Variants in TMBIM4 observed in about 807,000 individuals in gnomAD.
TMBIM4 encodes the protein protein lifeguard 4.
Under a neutral mutation model 27.7 loss-of-function variants are expected in TMBIM4, and 28 were observed. The observed-to-expected ratio is 1.01, with a 90% confidence interval of 0.75 to 1.38. The LOEUF (loss-of-function observed/expected upper bound fraction) is 1.38, where lower values mean the gene tolerates loss of function less well. Ranked by LOEUF, TMBIM4 falls within the 40% of genes most tolerant of loss-of-function variation. The pLI is 0.00. For missense variants in TMBIM4, 265 were observed against 277.5 expected (o/e 0.95, Z 0.32); for synonymous variants, 115 against 113.1 (o/e 1.02, Z -0.11).
intron 5 of TMBIM4, among the ~76,000 whole-genome samples, chr12:66,142,343 A>C (rs2051681179): frequency 6.6e-6 from 1 of 151,034 alleles, no homozygotes; most frequent in Non-Finnish European, 1.5e-5. Context: ...GGGAAATTCC[A>C]ACGTTCCTGC....
intron 4 of TMBIM4, among the ~76,000 whole-genome samples, chr12:66,147,575 G>A (rs766579962): frequency 6.6e-6 from 1 of 152,140 alleles, no homozygotes; most frequent in Non-Finnish European, 1.5e-5. Flanking sequence ...ATCAAAGTAC[G>A]TGGCTCAGAA....
intron 5 of TMBIM4, 189 bp from the exon 6 acceptor site, chr12:66,138,958 G>T: frequency 1.3e-6 from 1 of 793,946 alleles, no homozygotes; most frequent in Non-Finnish European, 1.7e-6. Context: ...GAAATTGAAA[G>T]AACAGCTATT....
At chr12:66,146,252 A>G (rs2051750292) in intron 4 of TMBIM4, among the ~76,000 whole-genome samples, 1 of 152,176 alleles carries the variant, frequency 6.6e-6, no homozygotes, top group South Asian at 2.1e-4. Flanking sequence ...TTCTACAGGT[A>G]TGGGAGTGAT....
intron 5 of TMBIM4, among the ~76,000 whole-genome samples, chr12:66,142,492 T>C (rs1321335862): frequency 6.6e-6 from 1 of 151,406 alleles, no homozygotes; most frequent in Non-Finnish European, 1.5e-5. Flanking sequence ...CAGTTTACAG[T>C]AATAACAGTA....
chr12:66,138,831 C>T, intron 5 of TMBIM4, 62 bp from the exon 6 acceptor site: 1 of 1,391,270 alleles, frequency 7.2e-7, no homozygotes, highest in Admixed American at 2.9e-5. Flanking sequence ...TTTGTAAACC[C>T]ATTCAACACT....
Position 66,149,444 on chromosome 12 carries a change from C to CAAAA in TMBIM4, c.313-1507_313-1504dup, listed in dbSNP as rs61425460. 6.8e-3 allele frequency among the ~76,000 whole-genome samples: 503 copies of CAAAA among 73,956 alleles called. 3 individuals carry two copies. The highest frequency in any genetic ancestry group is 0.01 in the South Asian group (22 of 2,190). The allele number at this position is 73,956 out of a possible 152,430, so 48.5% of individuals were successfully genotyped here. ...TGGGTGACAGAGAGAGACCCTGTCT[C>CAAAA]AAAAAAAAAAAAAAAAAAAAGAAAG... On this transcript the variant is annotated intron_variant, in intron 3 of 6. Transcript: ENST00000358230.
chr12:66,155,396 G>A (rs1045874398), intron 1 of TMBIM4, among the ~76,000 whole-genome samples: 1 of 144,722 alleles, frequency 6.9e-6, no homozygotes, highest in African/African-American at 2.5e-5. Context: ...CTTAAGTGCA[G>A]TGGCATGATC....
rs117606177 is a variant in TMBIM4 at position 66,156,015 on chromosome 12, C to A, written c.98-2567G>T. Among the ~76,000 whole-genome samples, 471 of 152,276 alleles carry A rather than the reference C, an allele frequency of 3.1e-3. 12 individuals carry two copies. In the East Asian group the frequency reaches 0.071, roughly 23 times the overall value. ...GCCTTTAAGTTCATACTAAAAAATTCTCCTTATGCAGATATTCCAGACCAT... is the reference window on the plus strand; with the variant it reads ...GCCTTTAAGTTCATACTAAAAAATTATCCTTATGCAGATATTCCAGACCAT... On this transcript the variant is annotated intron_variant, in intron 1 of 6. Transcript: ENST00000358230.
rs181246967 is a variant in TMBIM4, at chr12:66,148,227, A to C, written c.313-286T>G. On this transcript the variant is annotated intron_variant, in intron 3 of 6. Coordinates refer to ENST00000358230, the MANE Select transcript of TMBIM4 (RefSeq NM_016056.4). The stretch of plus-strand genomic sequence containing the variant: ...AAATATAGAACATTCTGTTTTTCTT[A>C]CTGTGTAATATAAATAAAAATACAA... Among the ~76,000 whole-genome samples, 20 of 152,304 alleles carry C rather than the reference A, an allele frequency of 1.3e-4. No individual in the cohort carries two copies. The East Asian group carries it at 3.9e-3, about 29-fold the overall frequency.
At chr12:66,155,016 G>C (rs1460992685) in intron 1 of TMBIM4, among the ~76,000 whole-genome samples, 1 of 152,134 alleles carries the variant, frequency 6.6e-6, no homozygotes, top group Non-Finnish European at 1.5e-5. Flanking sequence ...CTCCACAACA[G>C]ATCTATGACT....
rs1313567791 is a variant in TMBIM4 at position 66,138,094 on chromosome 12, T to A, written c.583A>T (p.Ile195Phe). 3.1e-6 allele frequency: 5 copies of A among 1,613,878 alleles called. No individual in the cohort carries two copies. The highest frequency in any genetic ancestry group is 4.2e-6 in the Non-Finnish European group (5 of 1,180,030). The change falls in exon 7 of 7, where the codon ATC becomes TTC. Residue 195 changes from isoleucine to phenylalanine, a missense_variant. Ile to Phe is a conservative substitution (Grantham distance 21, BLOSUM62 0). Coordinates refer to ENST00000358230, the MANE Select transcript of TMBIM4 (RefSeq NM_016056.4). Reference protein sequence around the residue: ...AGALLFCGFIIYDTHSLMHKL... With the variant: ...AGALLFCGFIFYDTHSLMHKL... ...TGCATCAGTGAGTGTGTGTCATAGA[T>A]GATGAATCCACAGAAAAGAAGGGCT...
intron 1 of TMBIM4, among the ~76,000 whole-genome samples, chr12:66,161,686 A>C (rs2052043351): frequency 6.6e-6 from 1 of 152,236 alleles, no homozygotes; most frequent in Non-Finnish European, 1.5e-5. Context: ...TGCATAATTT[A>C]AATATTTGTG....
At chr12:66,164,521 T>G (rs2052094434) in intron 1 of TMBIM4, among the ~76,000 whole-genome samples, 1 of 152,180 alleles carries the variant, frequency 6.6e-6, no homozygotes, top group Admixed American at 6.5e-5. Flanking sequence ...ATTGGAAATC[T>G]TAGAGGGTTT....
At chr12:66,143,777 T>C (rs2051707627) in intron 5 of TMBIM4, among the ~76,000 whole-genome samples, 2 of 152,172 alleles carry the variant, frequency 1.3e-5, no homozygotes, top group African/African-American at 4.8e-5. Flanking sequence ...ATAAACTTTT[T>C]AGAAAATATT....
intron 1 of TMBIM4, among the ~76,000 whole-genome samples, chr12:66,165,958 T>C (rs2052119262): frequency 6.6e-6 from 1 of 152,256 alleles, no homozygotes; most frequent in African/African-American, 2.4e-5. Context: ...TTCTGTTGCC[T>C]GTTTTTGGTG....
chr12:66,147,603 T>C (rs753973844), intron 4 of TMBIM4, among the ~76,000 whole-genome samples: 2 of 152,200 alleles, frequency 1.3e-5, no homozygotes, highest in Non-Finnish European at 2.9e-5. Flanking sequence ...TCTCAGTTAC[T>C]TGATGATAAC....
At chr12:66,155,487 A>C (rs1446174980) in intron 1 of TMBIM4, among the ~76,000 whole-genome samples, 1 of 152,156 alleles carries the variant, frequency 6.6e-6, no homozygotes, top group Non-Finnish European at 1.5e-5. Context: ...CTACAGGTGC[A>C]TGCCACTACG....
intron 1 of TMBIM4, among the ~76,000 whole-genome samples, chr12:66,162,611 T>C (rs1329925039): frequency 6.6e-6 from 1 of 152,224 alleles, no homozygotes; most frequent in Non-Finnish European, 1.5e-5. Context: ...ATCAAAATAG[T>C]TGTTTGCCAG....
At chr12:66,152,951 CTT>C in intron 2 of TMBIM4, among the ~76,000 whole-genome samples, 1 of 151,870 alleles carries the variant, frequency 6.6e-6, no homozygotes, top group Admixed American at 6.6e-5. Flanking sequence ...TTGAAAACTT[CTT>C]GGTGAAATTA....
Sources: gnomAD v4.1 joint callset for allele counts (sites outside exome capture counted in the v4.1 genomes callset) on GRCh38, gnomAD v4.1.1 for gene constraint, MANE v1.5 for transcripts, NCBI Gene and HGNC (gene_info 2026-07-23, HGNC 2026-07-21) for gene names.